Variants in CDH13 observed in about 807,000 individuals in gnomAD.
CDH13 encodes the protein cadherin-13.
CDH13 carries 24 observed loss-of-function variants against 63.8 expected under a neutral mutation model. That is an observed-to-expected ratio of 0.38 (90% CI 0.27 to 0.53). The LOEUF is 0.53. Ranked by LOEUF, CDH13 falls within the 20% of genes least tolerant of loss-of-function variation. The pLI is 0.85. For synonymous variants in CDH13, 503 were observed against 355.3 expected, an observed-to-expected ratio of 1.42 and a Z score of -4.67; for missense variants, 1,049 against 903.1, an observed-to-expected ratio of 1.16 and a Z score of -2.07.
At chr16:82,718,392 A>T (rs1245367185) in intron 1 of CDH13, among the ~76,000 whole-genome samples, 1 of 152,184 alleles carries the variant, frequency 6.6e-6, no homozygotes, top group Non-Finnish European at 1.5e-5. Context: ...GCTCTGCTGT[A>T]GATTTCCCCG....
At chr16:82,658,027 A>C (rs554804896) in intron 1 of CDH13, among the ~76,000 whole-genome samples, 2 of 152,298 alleles carry the variant, frequency 1.3e-5, no homozygotes, top group African/African-American at 4.8e-5. Flanking sequence ...CCTACCATGA[A>C]GTGTGATGTT....
chr16:83,399,825 G>A (rs1345486053), intron 6 of CDH13, among the ~76,000 whole-genome samples: 1 of 152,110 alleles, frequency 6.6e-6, no homozygotes, highest in Admixed American at 6.5e-5. Flanking sequence ...TTAGCACAGT[G>A]CCTCACACAA....
At chr16:82,964,375 C>G (rs1907500986) in intron 2 of CDH13, among the ~76,000 whole-genome samples, 1 of 152,208 alleles carries the variant, frequency 6.6e-6, no homozygotes, top group Non-Finnish European at 1.5e-5. Context: ...CACCAATGTA[C>G]TTCGGTGATA....
rs1036810298 is a variant in CDH13 at position 82,985,415 on chromosome 16, G to A, written c.158-46595G>A. On this transcript the variant is annotated intron_variant, in intron 2 of 13. Transcript: ENST00000567109. ...TTTTGGAGGAAAATAAAGTACCATCGAATGTAGAATCTGATGGTTTCAGTG... is the reference window on the plus strand; with the variant it reads ...TTTTGGAGGAAAATAAAGTACCATCAAATGTAGAATCTGATGGTTTCAGTG... 5.3e-5 allele frequency among the ~76,000 whole-genome samples: 8 copies of A among 152,160 alleles called. No individual in the cohort carries two copies. In the East Asian group the frequency reaches 5.8e-4, roughly 11 times the overall value.
intron 4 of CDH13, among the ~76,000 whole-genome samples, chr16:83,198,466 A>C (rs1250996163): frequency 6.6e-6 from 1 of 152,202 alleles, no homozygotes; most frequent in Non-Finnish European, 1.5e-5. Flanking sequence ...CCAGCTGGGA[A>C]GACTGTAAAG....
chr16:83,464,602 C>T (rs2073262140), intron 6 of CDH13, among the ~76,000 whole-genome samples: 1 of 151,882 alleles, frequency 6.6e-6, no homozygotes, highest in South Asian at 2.1e-4. Context: ...TCAGGTGATC[C>T]ACCCGCCTTG....
At chr16:83,171,446 C>G (rs2037911771) in intron 4 of CDH13, 10 of 1,247,338 alleles carry the variant, frequency 8.0e-6, no homozygotes, top group African/African-American at 1.5e-5. Flanking sequence ...CAGATCCAAA[C>G]CATATCAAAA....
intron 7 of CDH13, among the ~76,000 whole-genome samples, chr16:83,553,757 A>G (rs1187045460): frequency 6.6e-6 from 1 of 152,152 alleles, no homozygotes; most frequent in Non-Finnish European, 1.5e-5. Context: ...GGGTTTCATA[A>G]TGTTGGCTAG....
chr16:83,720,530 C>G lies in CDH13; in HGVS notation c.1539-27578C>G, dbSNP rs560726455. Among the ~76,000 whole-genome samples the G allele has an allele frequency of 2.0e-5, 3 of 152,036 alleles. No individual in the cohort carries two copies. In the South Asian group the frequency reaches 6.3e-4, roughly 32 times the overall value. ...GGCTGAGGCAGGAAGATTCCTTGAGCGTAGGAGTTCGAGGACAGCCTGGGC... is the reference window on the plus strand; with the variant it reads ...GGCTGAGGCAGGAAGATTCCTTGAGGGTAGGAGTTCGAGGACAGCCTGGGC... On this transcript the variant is annotated intron_variant, in intron 10 of 13. Transcript: ENST00000567109.
chr16:82,746,565 A>G (rs997815635), intron 1 of CDH13, among the ~76,000 whole-genome samples: 2 of 152,130 alleles, frequency 1.3e-5, no homozygotes, highest in African/African-American at 4.8e-5. Context: ...ATGCCTTCAT[A>G]ACTAATTGTA....
At position 83,452,358 on chromosome 16, in the gene CDH13, G is replaced by A. The variant is rs990807869; in HGVS notation, c.782-34119G>A. ...ATTTATTCACTCATTTGTTCAGCAAGTGTTTATATTGATTACTTGGTGCCA... is the reference window on the plus strand; with the variant it reads ...ATTTATTCACTCATTTGTTCAGCAAATGTTTATATTGATTACTTGGTGCCA... On this transcript the variant is annotated intron_variant, in intron 6 of 13. Transcript: ENST00000567109. Among the ~76,000 whole-genome samples the A allele has an allele frequency of 1.3e-3, 19 of 14,916 alleles. No individual in the cohort carries two copies. In the East Asian group the frequency reaches 0.04, roughly 32 times the overall value. The allele number at this position is 14,916 out of a possible 152,430, so 9.8% of individuals were successfully genotyped here. A position where few individuals can be genotyped will look rare whatever the true frequency, so the allele number is the denominator to read the frequency against.
intron 3 of CDH13, among the ~76,000 whole-genome samples, chr16:83,076,648 C>G (rs995160791): frequency 6.6e-6 from 1 of 152,130 alleles, no homozygotes; most frequent in Non-Finnish European, 1.5e-5. Flanking sequence ...CACACACACA[C>G]ACACAGTCCC....
chr16:82,812,413 G>A (rs1353644664), intron 1 of CDH13, among the ~76,000 whole-genome samples: 1 of 152,126 alleles, frequency 6.6e-6, no homozygotes, highest in African/African-American at 2.4e-5. Flanking sequence ...CAAAATCAGT[G>A]GCCAGCAGAG....
At chr16:83,464,158 C>G (rs2073250182) in intron 6 of CDH13, among the ~76,000 whole-genome samples, 1 of 152,128 alleles carries the variant, frequency 6.6e-6, no homozygotes, top group Non-Finnish European at 1.5e-5. Context: ...ACTGCAACCT[C>G]TACCGTCCTG....
At position 83,191,458 on chromosome 16, in the gene CDH13, A is replaced by AATATAG. The variant is rs1466966273; in HGVS notation, c.484-25882_484-25881insGATATA. Among the ~76,000 whole-genome samples, 296 of 80,568 alleles carry AATATAG rather than the reference A, an allele frequency of 3.7e-3. 3 individuals are homozygous for AATATAG. The highest frequency in any genetic ancestry group is 0.012 in the African/African-American group (259 of 21,906). 52.9% of individuals were successfully genotyped at this position (80,568 alleles called of 152,430 possible). A position where few individuals can be genotyped will look rare whatever the true frequency, so the allele number is the denominator to read the frequency against. ...CTTTAGAAGGACAGAACTAATAGGA[A>AATATAG]ATATATATATATATATATATATATA... On this transcript the variant is annotated intron_variant, in intron 4 of 13. Coordinates refer to ENST00000567109, the MANE Select transcript of CDH13 (RefSeq NM_001257.5).
chr16:82,918,774 A>C (rs1434449959), intron 2 of CDH13, among the ~76,000 whole-genome samples: 2 of 151,838 alleles, frequency 1.3e-5, no homozygotes, highest in East Asian at 3.9e-4. Flanking sequence ...CCCCCGACAA[A>C]ATGCTGCTAT....
chr16:83,707,090 A>G (rs1907193026), intron 10 of CDH13, among the ~76,000 whole-genome samples: 2 of 152,182 alleles, frequency 1.3e-5, no homozygotes, highest in Admixed American at 6.5e-5. Flanking sequence ...CAGGACTAAG[A>G]AGGATACAAG....
At chr16:83,342,744 T>C (rs1196172281) in intron 5 of CDH13, among the ~76,000 whole-genome samples, 2 of 152,048 alleles carry the variant, frequency 1.3e-5, no homozygotes, top group Non-Finnish European at 2.9e-5. Context: ...CCTATCCTAC[T>C]TGTAGCTTAT....
chr16:83,180,723 T>A, intron 4 of CDH13: 1 of 626,108 alleles, frequency 1.6e-6, no homozygotes, highest in Non-Finnish European at 2.8e-6. Context: ...TGCATGCCAA[T>A]TTTAATTCTA....
Sources: allele counts gnomAD v4.1 joint callset (sites outside exome capture counted in the v4.1 genomes callset), GRCh38; gene constraint gnomAD v4.1.1; transcripts MANE v1.5; gene names NCBI Gene and HGNC (gene_info 2026-07-23, HGNC 2026-07-21).